The following ROBO4 variants were observed in gnomAD, a reference collection of about 807,000 sequenced individuals.
ROBO4 encodes roundabout guidance receptor 4.
ROBO4 carries 80 observed loss-of-function variants against 103.3 expected under a neutral mutation model. The observed-to-expected ratio is 0.77, with a 90% CI of 0.65 to 0.93. The LOEUF (loss-of-function observed/expected upper bound fraction) is 0.93. ROBO4 is among the 40% of genes least tolerant of loss of function. The pLI is 0.00. For missense variants in ROBO4, 1,333 were observed against 1,305.3 expected, an observed-to-expected ratio of 1.02 and a Z score of -0.33; for synonymous variants, 504 against 529.7, an observed-to-expected ratio of 0.95 and a Z score of 0.67.
intron 6 of ROBO4, 28 bp from the exon 7 acceptor site, chr11:124,895,221 G>A: frequency 6.5e-7 from 1 of 1,536,072 alleles, no homozygotes. Flanking sequence ...AGACTATGAG[G>A]GGCTCTGAGG....
At chr11:124,895,379 G>T in intron 6 of ROBO4, 78 bp downstream of exon 6, 1 of 1,393,862 alleles carries the variant, frequency 7.2e-7, no homozygotes, top group Non-Finnish European at 1.0e-6. Flanking sequence ...CAAGACTGAA[G>T]CAGAACAGTC....
chr11:124,893,952 A>G lies in ROBO4; in HGVS notation c.1412T>C (p.Ile471Thr). The G allele has an allele frequency of 2.5e-6, 4 of 1,608,962 alleles. No homozygotes were observed. The highest frequency in any genetic ancestry group is 3.4e-6 in the Non-Finnish European group (4 of 1,178,568). ...CCAGAGTGCAACACCGCAGGTGGCA[A>G]TGACCTCAGGCCGCTTCAAGGTAGC... is the stretch of plus-strand genomic sequence containing the variant. ...LRATLKRPEV[I>T]ATCGVALWLL... The change falls in exon 9 of 18, where the codon ATT (isoleucine) becomes ACT (threonine). Residue 471 changes from isoleucine to threonine, a missense_variant. Coordinates refer to ENST00000306534, the MANE Select transcript of ROBO4 (RefSeq NM_019055.6).
intron 16 of ROBO4, 61 bp downstream of exon 16, chr11:124,886,403 T>A: frequency 7.8e-7 from 1 of 1,278,124 alleles, no homozygotes; most frequent in East Asian, 2.3e-5. Flanking sequence ...GATGACATGA[T>A]AACAGTTGTT....
rs556036732 is a variant in ROBO4 at position 124,891,302 on chromosome 11, G to C, written c.1945C>G (p.Gln649Glu). The C allele has an allele frequency of 6.3e-5, 95 of 1,517,344 alleles. No homozygotes were observed. In the East Asian group the frequency reaches 2.0e-3, roughly 32 times the overall value. The allele number at this position is 1,517,344 out of a possible 1,614,324, so 94.0% of individuals were successfully genotyped here. A position where few individuals can be genotyped will look rare whatever the true frequency, so the allele number is the denominator to read the frequency against. Reference sequence around the variant, plus strand: ...TGTCTATTCTCCCCCTCCTTACCCTGCTTCTTTTTGGCCTTCCAAGCCTCT... The same window carrying C: ...TGTCTATTCTCCCCCTCCTTACCCTCCTTCTTTTTGGCCTTCCAAGCCTCT... ...PAEAWKAKKK[Q>E]ELQHANSSPL... The change falls in exon 12 of 18, where the codon CAG becomes GAG. Residue 649 changes from glutamine to glutamate, a missense_variant. By Grantham distance (29) the Gln-to-Glu change is conservative. Coordinates refer to ENST00000306534, the MANE Select transcript of ROBO4 (RefSeq NM_019055.6).
rs1946671747 is a variant in ROBO4 at position 124,883,933 on chromosome 11, T to A, written c.*958A>T. 1 of 152,116 alleles carries A rather than the reference T, an allele frequency of 6.6e-6. No individual in the cohort carries two copies. Among genetic ancestry groups the A allele is most frequent in the South Asian group, 2.1e-4 (1 of 4,830 alleles). The allele number at this position is 152,116 out of a possible 1,614,324, so 9.4% of individuals were successfully genotyped here. The stretch of plus-strand genomic sequence containing the variant: ...TCACCCTTCCCCATGCCTTAGACCA[T>A]CCCACTTCCCTCAGCCATAAATATC... On this transcript the variant is annotated 3_prime_UTR_variant, in exon 18 of 18. Coordinates refer to ENST00000306534, the MANE Select transcript of ROBO4 (RefSeq NM_019055.6).
At position 124,897,732 on chromosome 11, in the gene ROBO4, T is replaced by A; in HGVS notation, c.64A>T (p.Ile22Phe). 1 of 1,614,060 alleles carries A rather than the reference T, an allele frequency of 6.2e-7. No individual in the cohort carries two copies. Among genetic ancestry groups the A allele is most frequent in the South Asian group, 1.1e-5 (1 of 91,082 alleles). The part of the protein sequence containing the change: ...RGSLPLLLLL[I>F]MGGMAQDSPP... ...GAGAGGGAGAGCAACTCACCCATGA[T>A]GAGCAGGAGCAGCAGAGGCAGGGAA... Residue 22 changes from isoleucine (I) to phenylalanine (F), a missense_variant, in exon 1 of 18, where the codon ATC (isoleucine) becomes TTC (phenylalanine). Ile to Phe is a conservative substitution (Grantham distance 21). Coordinates refer to ENST00000306534, the MANE Select transcript of ROBO4 (RefSeq NM_019055.6).
In ROBO4 at chr11:124,896,991, CAT is replaced by C; in HGVS notation, c.339_340del (p.Cys114Ter). 2 of 1,614,078 alleles carry C rather than the reference CAT, an allele frequency of 1.2e-6. No homozygotes were observed. ...CGTGCCAAGCCGGTTGCTGGCCTCACATGTGTAGACACCCAGGTCTGTGGACA... is the reference window on the plus strand; with the variant it reads ...CGTGCCAAGCCGGTTGCTGGCCTCACGTGTAGACACCCAGGTCTGTGGACA... On this transcript the variant is annotated frameshift_variant, in exon 2 of 18. Transcript: ENST00000306534. LOFTEE classifies it high-confidence loss of function.
At chr11:124,894,972 T>C (rs1413199820) in intron 7 of ROBO4, 109 bp downstream of exon 7, 2 of 850,642 alleles carry the variant, frequency 2.4e-6, no homozygotes, top group Admixed American at 4.4e-5. Flanking sequence ...TTCCTTTGCT[T>C]CTCTGCCCAG....
At position 124,885,759 on chromosome 11, in the gene ROBO4, C is replaced by T. The variant is rs568812516; in HGVS notation, c.2795-512G>A. Among the ~76,000 whole-genome samples the T allele has an allele frequency of 2.0e-3, 304 of 152,246 alleles. 8 individuals carry two copies. Among genetic ancestry groups the T allele is most frequent in the Non-Finnish European group, 2.8e-4 (19 of 68,006 alleles). Reference sequence around the variant, plus strand: ...AATGTCAGAGGTGAGCCCAGTGGCTCGTCAGCCCCAGCCACGGACAGGGCA... The same window carrying T: ...AATGTCAGAGGTGAGCCCAGTGGCTTGTCAGCCCCAGCCACGGACAGGGCA... On this transcript the variant is annotated intron_variant, in intron 16 of 17. Transcript: ENST00000306534.
At chr11:124,894,593 A>G (rs1591535944) in intron 7 of ROBO4, 1 of 552,406 alleles carries the variant, frequency 1.8e-6, no homozygotes, top group East Asian at 3.0e-5. Context: ...CACATGTAAC[A>G]TAGCAATTCT....
At chr11:124,894,872 A>G (rs1591536095) in intron 7 of ROBO4, among the ~76,000 whole-genome samples, 2 of 152,344 alleles carry the variant, frequency 1.3e-5, no homozygotes, top group African/African-American at 2.4e-5. Context: ...ATAATACCCC[A>G]GGGTGGACTG....
chr11:124,896,145 C>A, intron 4 of ROBO4, 53 bp downstream of exon 4: 1 of 1,601,744 alleles, frequency 6.2e-7, no homozygotes, highest in Non-Finnish European at 8.5e-7. Context: ...GAATACACCA[C>A]CCCAACTGGA....
At position 124,894,012 on chromosome 11, in the gene ROBO4, C is replaced by A; in HGVS notation, c.1352G>T (p.Ser451Ile). The stretch of plus-strand genomic sequence containing the variant: ...CTCCAGGGTCCAGGGACCATGCTCA[C>A]TGGGTTCTTGGGTGGCTCGCTCCAT... ...QAMERATQEP[S>I]EHGPWTLEQL... is the part of the protein sequence containing the mutation. Residue 451 changes from serine (S) to isoleucine (I), a missense_variant, in exon 9 of 18, where the codon AGT becomes ATT. Transcript: ENST00000306534. 3 of 1,563,618 alleles carry A rather than the reference C, an allele frequency of 1.9e-6. No individual in the cohort carries two copies. The highest frequency in any genetic ancestry group is 2.6e-6 in the Non-Finnish European group (3 of 1,155,386).
At position 124,893,876 on chromosome 11, in the gene ROBO4, C is replaced by G; in HGVS notation, c.1488G>C (p.Arg496Ser). Residue 496 changes from arginine to serine, a missense_variant, in exon 9 of 18, where the codon AGG becomes AGC. Arg to Ser is a moderately radical substitution (Grantham distance 110, BLOSUM62 -1). Coordinates refer to ENST00000306534, the MANE Select transcript of ROBO4 (RefSeq NM_019055.6). Reference sequence around the variant, plus strand: ...GACTCTCACCTGGGCCCAGGTGCACCCTAGCTCGGCGCCGGCGGTGGATAC... The same window carrying G: ...GACTCTCACCTGGGCCCAGGTGCACGCTAGCTCGGCGCCGGCGGTGGATAC... ...AVCIHRRRRARVHLGPGLYRY... is the reference protein window; with the variant it reads ...AVCIHRRRRASVHLGPGLYRY... 1 of 1,613,094 alleles carries G rather than the reference C, an allele frequency of 6.2e-7. No homozygotes were observed. The highest frequency in any genetic ancestry group is 8.5e-7 in the Non-Finnish European group (1 of 1,179,814).
Position 124,885,188 on chromosome 11 carries a change from G to A in ROBO4, c.2854C>T (p.Pro952Ser). Residue 952 changes from proline to serine, a missense_variant, in exon 17 of 18, where the codon CCC becomes TCC. Coordinates refer to ENST00000306534, the MANE Select transcript of ROBO4 (RefSeq NM_019055.6). ...EIFLTPNLSLPLWEWRPDWLE... is the reference protein window; with the variant it reads ...EIFLTPNLSLSLWEWRPDWLE... Reference sequence around the variant, plus strand: ...CAGTCTGGCCTCCACTCCCACAGGGGCAGGGAGAGGTTGGGGGTCAGGAAG... The same window carrying A: ...CAGTCTGGCCTCCACTCCCACAGGGACAGGGAGAGGTTGGGGGTCAGGAAG... 2 of 1,613,908 alleles carry A rather than the reference G, an allele frequency of 1.2e-6. No homozygotes were observed. Among genetic ancestry groups the A allele is most frequent in the Non-Finnish European group, 1.7e-6 (2 of 1,180,010 alleles).
chr11:124,886,618 G>A lies in ROBO4; in HGVS notation c.2640C>T (p.Ala880=), dbSNP rs375558648. Residue 880 remains alanine (A), a synonymous_variant, in exon 16 of 18, where the codon GCC becomes GCT. Transcript: ENST00000306534. The part of the protein sequence containing the change: ...EGSLANGWGS[A]SEDNAASARA... ...TGGCGCTGGCGGCATTGTCCTCAGA[G>A]GCTGAGCCCCAACCATTGGCTAAGG... is the stretch of plus-strand genomic sequence containing the variant. The A allele has an allele frequency of 1.2e-6, 2 of 1,614,186 alleles. No homozygotes were observed. Among genetic ancestry groups the A allele is most frequent in the Non-Finnish European group, 1.7e-6 (2 of 1,180,012 alleles).
rs778136498 is a variant in ROBO4, at chr11:124,887,354, T to G, written c.2198+4A>C. Reference sequence around the variant, plus strand: ...CCCTGCTTCCCGACCCCATGCCCTCTTACTGGGTCTGTTGACTCTGAGTTG... The same window carrying G: ...CCCTGCTTCCCGACCCCATGCCCTCGTACTGGGTCTGTTGACTCTGAGTTG... On this transcript the variant is annotated splice_donor_region_variant and intron_variant, in intron 14 of 17. Coordinates refer to ENST00000306534, the MANE Select transcript of ROBO4 (RefSeq NM_019055.6). 1 of 1,613,886 alleles carries G rather than the reference T, an allele frequency of 6.2e-7. No individual in the cohort carries two copies. Among genetic ancestry groups the G allele is most frequent in the African/African-American group, 1.3e-5 (1 of 74,996 alleles).
At position 124,895,150 on chromosome 11, in the gene ROBO4, AT is replaced by A; in HGVS notation, c.1079del (p.Asn360MetfsTer6). ...GGACCCAGCTCACAAAGACAGTGCC[AT>A]TGCCAGGCTTTAGAGTCACTTCCTG... ...PPQEVTLKPG[N>X]GTVFVSWVPP... is the part of the protein sequence containing the mutation. On this transcript the variant is annotated frameshift_variant, in exon 7 of 18. Transcript: ENST00000306534. LOFTEE classifies it high-confidence loss of function. The A allele has an allele frequency of 6.2e-7, 1 of 1,614,146 alleles. No homozygotes were observed. Among genetic ancestry groups the A allele is most frequent in the Non-Finnish European group, 8.5e-7 (1 of 1,180,012 alleles).
chr11:124,897,370 A>C (rs1485198751), intron 1 of ROBO4, 109 bp from the exon 2 acceptor site: 2 of 845,842 alleles, frequency 2.4e-6, no homozygotes, highest in Non-Finnish European at 3.5e-6. Flanking sequence ...GAAAACCTGT[A>C]ATCTGAACTA....
Sources: allele counts gnomAD v4.1 joint callset (sites outside exome capture counted in the v4.1 genomes callset), GRCh38; gene constraint gnomAD v4.1.1; transcripts MANE v1.5; gene names NCBI Gene and HGNC (gene_info 2026-07-23, HGNC 2026-07-21).